The following CAMK4 variants were observed in gnomAD, a reference collection of about 807,000 sequenced individuals.
CAMK4 encodes the protein calcium/calmodulin dependent protein kinase IV, also known as calcium/calmodulin-dependent protein kinase type IV.
CAMK4 carries 22 observed loss-of-function variants against 44.9 expected under a neutral mutation model. The ratio of observed to expected loss-of-function variants is 0.49; its 90% CI spans 0.35 to 0.70. The LOEUF (loss-of-function observed/expected upper bound fraction) is 0.70. Among genes scored for constraint, CAMK4 ranks in the 30% least tolerant of loss-of-function variants. The pLI, the probability that CAMK4 is intolerant of heterozygous loss-of-function variation, is 0.01. For missense variants in CAMK4, 498 were observed against 586.8 expected (o/e 0.85, Z 1.56); for synonymous variants, 218 against 215.4 (o/e 1.01, Z -0.11).
At chr5:111,471,375 G>A (rs1755060335) in intron 7 of CAMK4, among the ~76,000 whole-genome samples, 1 of 152,182 alleles carries the variant, frequency 6.6e-6, no homozygotes, top group Admixed American at 6.5e-5. Context: ...ATCTGCCACT[G>A]TGGGCTTTGT....
intron 4 of CAMK4, among the ~76,000 whole-genome samples, chr5:111,379,986 T>A (rs1751353340): frequency 6.6e-6 from 1 of 152,078 alleles, no homozygotes; most frequent in Non-Finnish European, 1.5e-5. Flanking sequence ...CATAAATAAA[T>A]TTGCACAATT....
rs528624057 is a variant in CAMK4, at chr5:111,232,534, G to A, written c.161+7890G>A. Among the ~76,000 whole-genome samples, 53 of 152,122 alleles carry A rather than the reference G, an allele frequency of 3.5e-4. 2 individuals are homozygous for A. The South Asian group carries it at 0.011, about 32-fold the overall frequency. On this transcript the variant is annotated intron_variant, in intron 1 of 10. Transcript: ENST00000282356. ...GCATGAACATTGCAATGGCAGATTG[G>A]GTCAGCAGGGTAAGTTGATGTCAGA...
At chr5:111,430,869 C>T (rs974666404) in intron 5 of CAMK4, among the ~76,000 whole-genome samples, 1 of 151,932 alleles carries the variant, frequency 6.6e-6, no homozygotes, top group Non-Finnish European at 1.5e-5. Context: ...TTAAAATGCC[C>T]TTACTACCCA....
At chr5:111,396,709 T>C (rs1238942679) in intron 5 of CAMK4, among the ~76,000 whole-genome samples, 3 of 140,724 alleles carry the variant, frequency 2.1e-5, no homozygotes, top group Non-Finnish European at 3.0e-5. Flanking sequence ...GACGTGATCT[T>C]GGCTCACTGC....
chr5:111,224,393 T>C lies in CAMK4; in HGVS notation c.-91T>C. On this transcript the variant is annotated 5_prime_UTR_variant, in exon 1 of 11. Transcript: ENST00000282356. This position sits in a 1 kb window ranked among gnomAD's most constrained non-coding sequence, Gnocchi z 5.7. ...GTGAAGGACGCCGCCTCTCTCTCGCTCCTGCGTTCGCAGGCGGCGGCTGGC... is the reference window on the plus strand; with the variant it reads ...GTGAAGGACGCCGCCTCTCTCTCGCCCCTGCGTTCGCAGGCGGCGGCTGGC... 2 of 1,457,262 alleles carry C rather than the reference T, an allele frequency of 1.4e-6. No homozygotes were observed. Among genetic ancestry groups the C allele is most frequent in the Non-Finnish European group, 1.8e-6 (2 of 1,108,702 alleles). The allele number at this position is 1,457,262 out of a possible 1,614,324, so 90.3% of individuals were successfully genotyped here.
intron 1 of CAMK4, among the ~76,000 whole-genome samples, chr5:111,259,971 A>G (rs148920734): frequency 8.1e-4 from 124 of 152,362 alleles, no homozygotes; most frequent in African/African-American, 2.9e-3. Context: ...AAAGTAATTT[A>G]TAAAGCATTT....
chr5:111,425,196 GA>G (rs1262643126), intron 5 of CAMK4, among the ~76,000 whole-genome samples: 1 of 150,922 alleles, frequency 6.6e-6, no homozygotes. Flanking sequence ...TAACATCCCT[GA>G]CGTGAGTCAG....
rs773919552 is a variant in CAMK4 at position 111,224,578 on chromosome 5, A to G, written c.95A>G (p.Tyr32Cys). Residue 32 changes from tyrosine (Y) to cysteine (C), a missense_variant, in exon 1 of 11, where the codon TAC (tyrosine) becomes TGC (cysteine). Tyr to Cys is a radical substitution (Grantham distance 194). Coordinates refer to ENST00000282356, the MANE Select transcript of CAMK4 (RefSeq NM_001744.6). This position sits in a 1 kb window ranked among gnomAD's most constrained non-coding sequence, Gnocchi z 5.7. ...GGGACCGCGAGCCTCGTCCCGGATT[A>G]CTGGATCGACGGCTCCAACAGGGAT... Reference protein sequence around the residue: ...APGTASLVPDYWIDGSNRDAL... With the variant: ...APGTASLVPDCWIDGSNRDAL... 9.9e-6 allele frequency: 16 copies of G among 1,612,200 alleles called. No individual in the cohort carries two copies. Among genetic ancestry groups the G allele is most frequent in the Non-Finnish European group, 1.3e-5 (15 of 1,179,650 alleles).
chr5:111,483,051 A>G, intron 10 of CAMK4, 114 bp downstream of exon 10: 1 of 903,096 alleles, frequency 1.1e-6, no homozygotes, highest in Non-Finnish European at 1.5e-6. Context: ...TCTATTTCTT[A>G]AGGCACCAGG....
chr5:111,227,321 C>A (rs968746764), intron 1 of CAMK4, among the ~76,000 whole-genome samples: 1 of 152,162 alleles, frequency 6.6e-6, no homozygotes, highest in Admixed American at 6.5e-5. Context: ...CAGTTTCAAG[C>A]CTTTACTCTC....
chr5:111,399,606 GAAGA>G (rs1237335469), intron 5 of CAMK4, among the ~76,000 whole-genome samples: 1 of 152,132 alleles, frequency 6.6e-6, no homozygotes, highest in African/African-American at 2.4e-5. Flanking sequence ...ATGAAAACAT[GAAGA>G]AAGAGCCATC....
chr5:111,406,994 A>T (rs1416648486), intron 5 of CAMK4, among the ~76,000 whole-genome samples: 1 of 152,182 alleles, frequency 6.6e-6, no homozygotes, highest in African/African-American at 2.4e-5. Context: ...TAGGCTTTTA[A>T]GTAGGAGAAT....
Position 111,374,920 on chromosome 5 carries a change from G to A in CAMK4, c.303+8G>A. ...CTCTCACATCCAAACATTGTAAGTGGTTTTTAACCTACTATTTCAAATGAT... is the reference window on the plus strand; with the variant it reads ...CTCTCACATCCAAACATTGTAAGTGATTTTTAACCTACTATTTCAAATGAT... On this transcript the variant is annotated splice_region_variant and intron_variant, in intron 3 of 10. Coordinates refer to ENST00000282356, the MANE Select transcript of CAMK4 (RefSeq NM_001744.6). 2.5e-6 allele frequency: 4 copies of A among 1,590,144 alleles called. No homozygotes were observed. The highest frequency in any genetic ancestry group is 3.5e-6 in the Non-Finnish European group (4 of 1,158,812).
intron 2 of CAMK4, among the ~76,000 whole-genome samples, chr5:111,348,032 C>A (rs1749938836): frequency 6.6e-6 from 1 of 151,960 alleles, no homozygotes; most frequent in Admixed American, 6.6e-5. Context: ...CTGTCTCAGA[C>A]TTAAAGTGAG....
chr5:111,253,832 A>C (rs1204142152), intron 1 of CAMK4, among the ~76,000 whole-genome samples: 1 of 152,232 alleles, frequency 6.6e-6, no homozygotes, highest in African/African-American at 2.4e-5. Flanking sequence ...ATATTTCTTC[A>C]TCTGAGATAA....
chr5:111,374,955 T>C, intron 3 of CAMK4, 43 bp downstream of exon 3: 2 of 1,349,320 alleles, frequency 1.5e-6, no homozygotes, highest in Non-Finnish European at 2.1e-6. Context: ...TTGCCAGAGC[T>C]AGAGAAAGGG....
At chr5:111,227,963 T>C (rs545479756) in intron 1 of CAMK4, among the ~76,000 whole-genome samples, 59 of 152,330 alleles carry the variant, frequency 3.9e-4, no homozygotes, top group African/African-American at 1.4e-3. Flanking sequence ...ACTGGCATTT[T>C]AAAGGCTTTT....
At chr5:111,477,092 T>A (rs919110133) in intron 8 of CAMK4, among the ~76,000 whole-genome samples, 1 of 152,142 alleles carries the variant, frequency 6.6e-6, no homozygotes, top group Non-Finnish European at 1.5e-5. Flanking sequence ...AAGGTCAGAC[T>A]CTCTCGTTGT....
At chr5:111,375,170 A>G (rs1201175409) in intron 3 of CAMK4, among the ~76,000 whole-genome samples, 1 of 152,200 alleles carries the variant, frequency 6.6e-6, no homozygotes, top group African/African-American at 2.4e-5. Context: ...AAAGGATAAA[A>G]ATCGAAGAGT....
Sources: allele counts gnomAD v4.1 joint callset (sites outside exome capture counted in the v4.1 genomes callset), GRCh38; gene constraint gnomAD v4.1.1; non-coding constraint Gnocchi (gnomAD v3.1); transcripts MANE v1.5; gene names NCBI Gene and HGNC (gene_info 2026-07-23, HGNC 2026-07-21).